Variants in SHQ1 observed in about 807,000 individuals in gnomAD.
The protein encoded by SHQ1 is protein SHQ1 homolog.
A neutral mutation model predicts 53.8 loss-of-function variants in SHQ1; 49 were observed. That is an observed-to-expected ratio of 0.91 (90% confidence interval 0.72 to 1.16). The LOEUF is 1.16. Among genes scored for constraint, SHQ1 ranks in the 50% most tolerant of loss-of-function variants. The probability of loss-of-function intolerance (pLI) is 0.00; values close to 1 mark genes in which losing one functional copy is unlikely to be tolerated. For synonymous variants in SHQ1, 243 were observed against 251.0 expected (o/e 0.97, Z 0.30); for missense variants, 738 against 683.1 (o/e 1.08, Z -0.90).
chr3:72,800,370 T>A (rs1160876223), intron 9 of SHQ1, among the ~76,000 whole-genome samples: 4 of 152,230 alleles, frequency 2.6e-5, no homozygotes, highest in South Asian at 2.1e-4. Flanking sequence ...ATACTTCATA[T>A]AATTACATGA....
chr3:72,770,069 T>C (rs1705813195), intron 10 of SHQ1, among the ~76,000 whole-genome samples: 1 of 152,264 alleles, frequency 6.6e-6, no homozygotes, highest in South Asian at 2.1e-4. Flanking sequence ...TGATAAATGC[T>C]AGCTATTATT....
At chr3:72,776,324 T>C (rs1705957584) in intron 10 of SHQ1, among the ~76,000 whole-genome samples, 1 of 152,216 alleles carries the variant, frequency 6.6e-6, no homozygotes, top group African/African-American at 2.4e-5. Context: ...TATTTAGATA[T>C]GTTGAGATAT....
intron 7 of SHQ1, among the ~76,000 whole-genome samples, chr3:72,816,160 A>G (rs897845142): frequency 6.6e-5 from 10 of 152,188 alleles, no homozygotes; most frequent in African/African-American, 2.2e-4. Context: ...AACAAAAAAA[A>G]TTGGTACATA....
the SHQ1 span, among the ~76,000 whole-genome samples, chr3:72,734,961 T>G: frequency 1.3e-5 from 2 of 151,602 alleles, no homozygotes; most frequent in Non-Finnish European, 2.9e-5. Context: ...GGCTGTGGAA[T>G]GGGAGTGCCA....
intron 5 of SHQ1, among the ~76,000 whole-genome samples, chr3:72,826,373 C>A (rs577366472): frequency 1.3e-5 from 2 of 152,314 alleles, no homozygotes; most frequent in South Asian, 2.1e-4. Context: ...ATCCACAAAT[C>A]AGAACGTGAG....
the SHQ1 span, among the ~76,000 whole-genome samples, chr3:72,736,738 A>C: frequency 7.2e-6 from 1 of 138,512 alleles, no homozygotes; most frequent in South Asian, 2.3e-4. Context: ...AGTTGTAGTG[A>C]GCCGAGATTG....
At chr3:72,765,700 C>T (rs894304191) in intron 10 of SHQ1, among the ~76,000 whole-genome samples, 4 of 151,396 alleles carry the variant, frequency 2.6e-5, no homozygotes, top group African/African-American at 9.7e-5. Context: ...ATTACAGGCA[C>T]GTGCCACTAC....
chr3:72,765,558 T>TATATATATATATATATA (rs1491541493), intron 10 of SHQ1, among the ~76,000 whole-genome samples: 8 of 63,464 alleles, frequency 1.3e-4, no homozygotes, highest in African/African-American at 7.5e-4. Flanking sequence ...TATATATATA[T>TATATATATATATATATA]TTTTTTTTTT....
At chr3:72,744,924 G>GGCGGGC (rs371894966), downstream of SHQ1, among the ~76,000 whole-genome samples, 5 of 37,046 alleles carry the variant, frequency 1.3e-4, no homozygotes, top group South Asian at 4.0e-3. Context: ...TTGATACATT[G>GGCGGGC]GGGGGGGGGG....
At chr3:72,760,736 C>T (rs932519122) in intron 10 of SHQ1, among the ~76,000 whole-genome samples, 1 of 152,080 alleles carries the variant, frequency 6.6e-6, no homozygotes, top group Non-Finnish European at 1.5e-5. Context: ...CTACTTAATT[C>T]CTATGGAGAA....
At chr3:72,809,326 G>C (rs1210156966) in intron 9 of SHQ1, among the ~76,000 whole-genome samples, 3 of 152,088 alleles carry the variant, frequency 2.0e-5, no homozygotes, top group Non-Finnish European at 4.4e-5. Flanking sequence ...CTTGTGACTA[G>C]AAGTGGTAAA....
At position 72,749,328 on chromosome 3, in the gene SHQ1, A is replaced by G. The variant is rs1400530767; in HGVS notation, c.*956T>C. 1.3e-5 allele frequency: 3 copies of G among 229,872 alleles called. No homozygotes were observed. The highest frequency in any genetic ancestry group is 1.8e-4 in the South Asian group (1 of 5,504). 14.2% of individuals were successfully genotyped at this position (229,872 alleles called of 1,614,324 possible). ...TATTTATAACAGCCCCAAACTGGAAACAACCCAGGTGTCCATCGATAGGTC... is the reference window on the plus strand; with the variant it reads ...TATTTATAACAGCCCCAAACTGGAAGCAACCCAGGTGTCCATCGATAGGTC... On this transcript the variant is annotated 3_prime_UTR_variant, in exon 11 of 11. Transcript: ENST00000325599.
chr3:72,834,239 C>G (rs906883207), intron 4 of SHQ1, among the ~76,000 whole-genome samples: 2 of 152,202 alleles, frequency 1.3e-5, no homozygotes, highest in Non-Finnish European at 2.9e-5. Flanking sequence ...TTAGAAGTCA[C>G]TGGAACAGGC....
chr3:72,819,077 G>A (rs577243371), intron 6 of SHQ1, among the ~76,000 whole-genome samples: 2 of 152,298 alleles, frequency 1.3e-5, no homozygotes, highest in East Asian at 1.9e-4. Flanking sequence ...CCCAACTTCT[G>A]ACTCATGGAA....
At chr3:72,742,808 G>A in the SHQ1 span, among the ~76,000 whole-genome samples, 2 of 151,906 alleles carry the variant, frequency 1.3e-5, no homozygotes, top group Non-Finnish European at 2.9e-5. Context: ...TGTATTTTTA[G>A]TAGAGATGGG....
intron 9 of SHQ1, among the ~76,000 whole-genome samples, chr3:72,801,748 T>TCC (rs1553693341): frequency 2.0e-5 from 3 of 152,206 alleles, no homozygotes; most frequent in Non-Finnish European, 2.9e-5. Flanking sequence ...ATAAATATAA[T>TCC]TTAGTAAAGC....
At position 72,750,728 on chromosome 3, in the gene SHQ1, C is replaced by T; in HGVS notation, c.1290G>A (p.Gln430=). The change falls in exon 11 of 11, where the codon CAG becomes CAA. Residue 430 remains glutamine, a synonymous_variant. Coordinates refer to ENST00000325599, the MANE Select transcript of SHQ1 (RefSeq NM_018130.3). ...CTGCTTTTAATGCAGTTTCTTCCTCCTGGACAAGCAGTGCTGCTGCTTCTA... is the reference window on the plus strand; with the variant it reads ...CTGCTTTTAATGCAGTTTCTTCCTCTTGGACAAGCAGTGCTGCTGCTTCTA... The part of the protein sequence containing the change: ...EELEAAALLV[Q]EEETALKAAH... 1 of 1,559,718 alleles carries T rather than the reference C, an allele frequency of 6.4e-7. No individual in the cohort carries two copies. Among genetic ancestry groups the T allele is most frequent in the Non-Finnish European group, 8.7e-7 (1 of 1,150,972 alleles).
intron 6 of SHQ1, among the ~76,000 whole-genome samples, chr3:72,819,994 T>C (rs1218541593): frequency 6.6e-6 from 1 of 152,168 alleles, no homozygotes; most frequent in Non-Finnish European, 1.5e-5. Context: ...GTTCATTAAT[T>C]TAGCTAATGG....
the SHQ1 span, among the ~76,000 whole-genome samples, chr3:72,726,167 G>A: frequency 6.6e-6 from 1 of 152,182 alleles, no homozygotes; most frequent in Admixed American, 6.5e-5. Context: ...GGCACCAGGA[G>A]TGAAGTCACT....
Sources: gnomAD v4.1 joint callset for allele counts (sites outside exome capture counted in the v4.1 genomes callset) on GRCh38, gnomAD v4.1.1 for gene constraint, MANE v1.5 for transcripts, NCBI Gene and HGNC (gene_info 2026-07-23, HGNC 2026-07-21) for gene names.